Variants in ADK observed in about 807,000 individuals in gnomAD.
ADK encodes N6,N6-dimethyladenosine kinase.
Under a neutral mutation model 44.7 loss-of-function variants are expected in ADK, and 24 were observed. The ratio of observed to expected loss-of-function variants is 0.54; its 90% CI spans 0.39 to 0.76. The LOEUF is 0.76. ADK is among the 30% of genes least tolerant of loss of function. The probability of loss-of-function intolerance (pLI) is 0.00; values close to 1 mark genes in which losing one functional copy is unlikely to be tolerated. For synonymous variants in ADK, 128 were observed against 142.6 expected (o/e 0.90, Z 0.73); for missense variants, 321 against 425.1 (o/e 0.76, Z 2.15).
chr10:74,186,119 G>A (rs1052242468), intron 1 of ADK, among the ~76,000 whole-genome samples: 23 of 152,060 alleles, frequency 1.5e-4, no homozygotes, highest in Non-Finnish European at 2.6e-4. Flanking sequence ...AAAGTGCTGG[G>A]ATTACAGGCG....
chr10:74,334,741 C>T (rs575654910), intron 4 of ADK, among the ~76,000 whole-genome samples: 31 of 152,118 alleles, frequency 2.0e-4, no homozygotes, highest in Non-Finnish European at 3.4e-4. Flanking sequence ...AAGGCATTTA[C>T]AGAGGTTTTC....
chr10:74,601,605 AG>A (rs1852122630), intron 9 of ADK, among the ~76,000 whole-genome samples: 1 of 152,148 alleles, frequency 6.6e-6, no homozygotes, highest in Non-Finnish European at 1.5e-5. Flanking sequence ...GAAGCTAGAC[AG>A]TGGATATATG....
chr10:74,396,790 C>T (rs745815059), intron 5 of ADK, among the ~76,000 whole-genome samples: 6 of 151,912 alleles, frequency 3.9e-5, no homozygotes, highest in Non-Finnish European at 8.8e-5. Context: ...TCCACCTCTA[C>T]TAAAAATACA....
chr10:74,669,719 A>G (rs1855101346), intron 9 of ADK, among the ~76,000 whole-genome samples: 1 of 152,246 alleles, frequency 6.6e-6, no homozygotes, highest in Non-Finnish European at 1.5e-5. Flanking sequence ...GATTTTCTAT[A>G]AAGAAACACC....
chr10:74,654,211 T>C (rs148070636), intron 9 of ADK, among the ~76,000 whole-genome samples: 2 of 152,332 alleles, frequency 1.3e-5, no homozygotes, highest in African/African-American at 2.4e-5. Context: ...AGGAGAGATA[T>C]GATTTTAAGA....
At chr10:74,283,862 A>G (rs1351242671) in intron 3 of ADK, among the ~76,000 whole-genome samples, 1 of 148,894 alleles carries the variant, frequency 6.7e-6, no homozygotes, top group Non-Finnish European at 1.5e-5. Flanking sequence ...TTGTATTTTT[A>G]GTAGAGATGG....
At chr10:74,331,867 T>C (rs540820195) in intron 4 of ADK, among the ~76,000 whole-genome samples, 1 of 152,318 alleles carries the variant, frequency 6.6e-6, no homozygotes, top group South Asian at 2.1e-4. Flanking sequence ...ATTTATTTAT[T>C]TTTGAGACAA....
chr10:74,194,986 A>G (rs1843071039), intron 1 of ADK, among the ~76,000 whole-genome samples: 1 of 152,222 alleles, frequency 6.6e-6, no homozygotes, highest in Admixed American at 6.5e-5. Flanking sequence ...TGTCAGTATA[A>G]AATTTGTTGA....
At chr10:74,548,829 A>G (rs536959580) in intron 7 of ADK, among the ~76,000 whole-genome samples, 2 of 152,366 alleles carry the variant, frequency 1.3e-5, no homozygotes, top group African/African-American at 4.8e-5. Context: ...AATTTGCACT[A>G]TAAATAAAGC....
intron 1 of ADK, among the ~76,000 whole-genome samples, chr10:74,199,178 A>T (rs1234511939): frequency 6.6e-6 from 1 of 152,156 alleles, no homozygotes; most frequent in Non-Finnish European, 1.5e-5. Context: ...GTACTCTTCC[A>T]GGATGTGCCA....
intron 4 of ADK, among the ~76,000 whole-genome samples, chr10:74,363,858 A>G (rs938643621): frequency 1.3e-5 from 2 of 152,032 alleles, no homozygotes; most frequent in Non-Finnish European, 2.9e-5. Context: ...TGCCTGTCTC[A>G]TTAGCTCAAA....
chr10:74,708,055 G>T (rs555250407), intron 10 of ADK, among the ~76,000 whole-genome samples: 1 of 151,446 alleles, frequency 6.6e-6, no homozygotes, highest in African/African-American at 2.4e-5. Context: ...GGAGGCTGAG[G>T]CAGGAGAATT....
At chr10:74,209,455 G>A (rs149377797) in intron 2 of ADK, among the ~76,000 whole-genome samples, 345 of 152,228 alleles carry the variant, frequency 2.3e-3, no homozygotes, top group African/African-American at 7.8e-3. Context: ...ACATAAGTAA[G>A]TAAATAAATA....
chr10:74,180,153 T>C (rs1047050855), intron 1 of ADK, among the ~76,000 whole-genome samples: 1 of 151,754 alleles, frequency 6.6e-6, no homozygotes, highest in Non-Finnish European at 1.5e-5. Context: ...TCAGAATATC[T>C]TGGGCCCCAC....
intron 2 of ADK, among the ~76,000 whole-genome samples, chr10:74,216,345 TTTTA>T (rs1361053199): frequency 6.6e-6 from 1 of 152,180 alleles, no homozygotes; most frequent in African/African-American, 2.4e-5. Flanking sequence ...CTAAATTATT[TTTTA>T]TTTATTAAAA....
intron 4 of ADK, among the ~76,000 whole-genome samples, chr10:74,352,601 A>G (rs371344508): frequency 5.3e-5 from 8 of 152,322 alleles, no homozygotes; most frequent in South Asian, 4.1e-4. Context: ...AAGAGCTTCT[A>G]CACAGCGAAA....
At chr10:74,594,298 A>G (rs1167206538) in intron 8 of ADK, among the ~76,000 whole-genome samples, 1 of 152,074 alleles carries the variant, frequency 6.6e-6, no homozygotes, top group East Asian at 1.9e-4. Flanking sequence ...ACAAAGCTGC[A>G]TGTTCTGCAC....
At chr10:74,491,336 A>G (rs918878200) in intron 6 of ADK, among the ~76,000 whole-genome samples, 2 of 152,158 alleles carry the variant, frequency 1.3e-5, no homozygotes, top group Non-Finnish European at 2.9e-5. Context: ...TTGAACTTTT[A>G]GATCCAAGCA....
intron 4 of ADK, among the ~76,000 whole-genome samples, chr10:74,374,761 A>C (rs537657864): frequency 4.6e-5 from 7 of 152,122 alleles, no homozygotes; most frequent in African/African-American, 1.7e-4. Context: ...TGTGTGTATG[A>C]GTTTCTCTAT....
Sources: gnomAD v4.1 joint callset for allele counts (sites outside exome capture counted in the v4.1 genomes callset) on GRCh38, gnomAD v4.1.1 for gene constraint, MANE v1.5 for transcripts, NCBI Gene and HGNC (gene_info 2026-07-23, HGNC 2026-07-21) for gene names.